SAMD3: variants seen among roughly 807,000 people sequenced by gnomAD.
SAMD3 encodes sterile alpha motif domain containing 3.
Under a neutral mutation model 58.5 loss-of-function variants are expected in SAMD3, and 63 were observed. The observed-to-expected ratio is 1.08, with a 90% CI of 0.88 to 1.33. The LOEUF is 1.33. Among genes scored for constraint, SAMD3 ranks in the 40% most tolerant of loss-of-function variants. The pLI, the probability that SAMD3 is intolerant of heterozygous loss-of-function variation, is 0.00. For missense variants in SAMD3, 604 were observed against 608.4 expected (o/e 0.99, Z 0.08); for synonymous variants, 220 against 210.3 (o/e 1.05, Z -0.40).
intron 1 of SAMD3, among the ~76,000 whole-genome samples, chr6:130,359,322 G>T (rs1235002773): frequency 2.6e-5 from 4 of 152,144 alleles, no homozygotes; most frequent in African/African-American, 9.7e-5. Flanking sequence ...GGAATGCAAA[G>T]CCCACTGTAA....
intron 2 of SAMD3, among the ~76,000 whole-genome samples, chr6:130,258,444 T>A (rs1321194455): frequency 6.6e-6 from 1 of 152,206 alleles, no homozygotes; most frequent in Non-Finnish European, 1.5e-5. Context: ...GTCCCTTCTG[T>A]TCTTTGTGTA....
intron 2 of SAMD3, among the ~76,000 whole-genome samples, chr6:130,286,570 T>C (rs923263128): frequency 7.9e-5 from 12 of 152,254 alleles, no homozygotes; most frequent in Admixed American, 5.2e-4. Flanking sequence ...TCTCTAGGTA[T>C]GTACCCTTGG....
intron 1 of SAMD3, among the ~76,000 whole-genome samples, chr6:130,326,814 C>T (rs895977497): frequency 2.6e-5 from 4 of 152,164 alleles, no homozygotes; most frequent in Non-Finnish European, 4.4e-5. Context: ...ATAATGTGAA[C>T]GTCTACTCCA....
chr6:130,276,044 G>C (rs1270509274), intron 2 of SAMD3, among the ~76,000 whole-genome samples: 2 of 152,082 alleles, frequency 1.3e-5, no homozygotes, highest in East Asian at 3.8e-4. Context: ...AATCTAGGTG[G>C]GCTTAATGTA....
chr6:130,359,613 C>CT (rs202035911), intron 1 of SAMD3, among the ~76,000 whole-genome samples: 2,777 of 152,310 alleles, frequency 0.018, 22 homozygotes, highest in Non-Finnish European at 0.027. Flanking sequence ...ACTTTTCATA[C>CT]TGCAGCTATG....
At chr6:130,330,131 T>G (rs1469377180) in intron 1 of SAMD3, among the ~76,000 whole-genome samples, 1 of 152,086 alleles carries the variant, frequency 6.6e-6, no homozygotes, top group Admixed American at 6.6e-5. Context: ...GTAGAAGAGA[T>G]GAGTAATTGC....
At chr6:130,150,901 AG>A (rs1789108075) in intron 9 of SAMD3, among the ~76,000 whole-genome samples, 1 of 151,834 alleles carries the variant, frequency 6.6e-6, no homozygotes, top group African/African-American at 2.4e-5. Context: ...TAGTAGAGAC[AG>A]GGTTTCACCA....
At chr6:130,297,571 C>T (rs1775612021) in intron 2 of SAMD3, among the ~76,000 whole-genome samples, 1 of 151,816 alleles carries the variant, frequency 6.6e-6, no homozygotes, top group African/African-American at 2.4e-5. Context: ...AAAAAGAATT[C>T]AAAATATAAA....
At chr6:130,265,469 G>A (rs1204974723) in intron 2 of SAMD3, among the ~76,000 whole-genome samples, 2 of 152,160 alleles carry the variant, frequency 1.3e-5, no homozygotes, top group African/African-American at 2.4e-5. Flanking sequence ...GTACAGTAAG[G>A]ACTTCAACTG....
intron 1 of SAMD3, among the ~76,000 whole-genome samples, chr6:130,352,728 A>G (rs1244918383): frequency 6.6e-6 from 1 of 152,188 alleles, no homozygotes; most frequent in Non-Finnish European, 1.5e-5. Flanking sequence ...TTAATTTTGA[A>G]AAGAACTCAC....
chr6:130,291,578 C>A (rs1775364093), intron 2 of SAMD3, among the ~76,000 whole-genome samples: 1 of 152,180 alleles, frequency 6.6e-6, no homozygotes, highest in Admixed American at 6.5e-5. Context: ...TTCATTAATT[C>A]TTTGCCATCA....
intron 9 of SAMD3, among the ~76,000 whole-genome samples, 154 bp from the exon 10 acceptor site, chr6:130,146,335 G>A (rs1258405632): frequency 6.6e-6 from 1 of 152,180 alleles, no homozygotes; most frequent in Non-Finnish European, 1.5e-5. Context: ...TAAAGCCTTA[G>A]GATGAGGGAG....
intron 1 of SAMD3, among the ~76,000 whole-genome samples, chr6:130,327,775 T>A (rs996407803): frequency 6.6e-6 from 1 of 152,178 alleles, no homozygotes; most frequent in African/African-American, 2.4e-5. Context: ...TTTTTAACAT[T>A]TTGTCATTTT....
chr6:130,348,970 G>T (rs1318981785), intron 1 of SAMD3, among the ~76,000 whole-genome samples: 1 of 152,086 alleles, frequency 6.6e-6, no homozygotes. Context: ...ACCTGCTCCT[G>T]AATGACTACT....
chr6:130,274,475 G>A (rs1348502198), intron 2 of SAMD3, among the ~76,000 whole-genome samples: 1 of 152,140 alleles, frequency 6.6e-6, no homozygotes, highest in Non-Finnish European at 1.5e-5. Flanking sequence ...ATGTGAGTCT[G>A]GGGTATACAG....
chr6:130,215,113 A>G, intron 3 of SAMD3, 82 bp downstream of exon 3: 1 of 742,950 alleles, frequency 1.3e-6, no homozygotes, highest in South Asian at 1.7e-5. Flanking sequence ...ACATTTGGCA[A>G]CAAAAGTAAT....
chr6:130,144,807 GAA>G lies in SAMD3; in HGVS notation c.1279-5_1279-4del, dbSNP rs751126061. ...AACACAGGTGTGGACACTTGCACCT[GAA>G]AAAAAGAGTGGAGTCATTACCATGA... On this transcript the variant is annotated splice_region_variant and splice_polypyrimidine_tract_variant and intron_variant, in intron 11 of 11. Transcript: ENST00000439090. The G allele has an allele frequency of 1.3e-6, 2 of 1,596,448 alleles. No individual in the cohort carries two copies. The highest frequency in any genetic ancestry group is 1.1e-5 in the South Asian group (1 of 87,780).
chr6:130,304,085 A>T (rs1672359978), intron 2 of SAMD3, among the ~76,000 whole-genome samples: 1 of 152,048 alleles, frequency 6.6e-6, no homozygotes, highest in African/African-American at 2.4e-5. Context: ...TAAGTTTTAA[A>T]TTTCCTGGGA....
chr6:130,182,344 A>T (rs113372821), intron 7 of SAMD3, among the ~76,000 whole-genome samples: 82 of 152,286 alleles, frequency 5.4e-4, no homozygotes, highest in African/African-American at 1.9e-3. Context: ...ATGTCATCCT[A>T]GAAGCAAGAA....
Sources: allele counts gnomAD v4.1 joint callset (sites outside exome capture counted in the v4.1 genomes callset), GRCh38; gene constraint gnomAD v4.1.1; transcripts MANE v1.5; gene names NCBI Gene and HGNC (gene_info 2026-07-23, HGNC 2026-07-21).